Variants in NPEPPS observed in about 807,000 individuals in gnomAD.
NPEPPS encodes aminopeptidase puromycin sensitive.
Under a neutral mutation model 115.5 loss-of-function variants are expected in NPEPPS, and 14 were observed. That is an observed-to-expected ratio of 0.12 (90% CI 0.08 to 0.19). The LOEUF is 0.19. Among genes scored for constraint, NPEPPS ranks in the 10% least tolerant of loss-of-function variants. NPEPPS has a pLI of 1.00. For missense variants in NPEPPS, 523 were observed against 1,110.8 expected, an observed-to-expected ratio of 0.47 and a Z score of 7.52; for synonymous variants, 285 against 390.6, an observed-to-expected ratio of 0.73 and a Z score of 3.19.
upstream of NPEPPS, among the ~76,000 whole-genome samples, chr17:47,526,863 A>T (rs1480881738): frequency 2.6e-5 from 4 of 151,884 alleles, no homozygotes; most frequent in African/African-American, 9.7e-5. Context: ...GAGGCTGAGG[A>T]AGGAGAATGG....
chr17:47,601,550 C>T lies in NPEPPS; in HGVS notation c.1601-58C>T, dbSNP rs566443985. 33 of 1,602,430 alleles carry T rather than the reference C, an allele frequency of 2.1e-5. No homozygotes were observed. In the Admixed American group the frequency reaches 4.1e-4, roughly 20 times the overall value. ...CTGGTTAGAACACCACCACTCCTCT[C>T]TCCACCTTACCTTCTGTTTGTCCCA... On this transcript the variant is annotated intron_variant, in intron 14 of 22. Coordinates refer to ENST00000322157, the MANE Select transcript of NPEPPS (RefSeq NM_006310.4).
intron 22 of NPEPPS, 151 bp from the exon 23 acceptor site, chr17:47,621,617 G>A (rs1413997542): frequency 7.8e-6 from 5 of 639,070 alleles, no homozygotes; most frequent in African/African-American, 1.8e-5. Context: ...GGAGTTGCTT[G>A]TTTTCTTTTA....
chr17:47,565,952 C>T (rs1567849698), intron 2 of NPEPPS, among the ~76,000 whole-genome samples: 1 of 152,160 alleles, frequency 6.6e-6, no homozygotes, highest in Non-Finnish European at 1.5e-5. Context: ...GTAAAAGAGG[C>T]ACCACCAGCA....
upstream of NPEPPS, among the ~76,000 whole-genome samples, chr17:47,527,948 C>CA (rs1045563784): frequency 9.1e-4 from 111 of 121,514 alleles, no homozygotes; most frequent in South Asian, 2.1e-3. Flanking sequence ...AACTCCATCT[C>CA]AAAAAAAAAA....
At chr17:47,617,564 T>C (rs1185602221) in intron 19 of NPEPPS, among the ~76,000 whole-genome samples, 1 of 151,672 alleles carries the variant, frequency 6.6e-6, no homozygotes, top group Non-Finnish European at 1.5e-5. Context: ...TATAAGAACA[T>C]GTTTATGATA....
intron 1 of NPEPPS, among the ~76,000 whole-genome samples, chr17:47,534,384 A>G (rs1045612367): frequency 3.3e-5 from 5 of 152,004 alleles, no homozygotes; most frequent in African/African-American, 1.2e-4. Flanking sequence ...CGGCGACAAA[A>G]TTCTTATCTG....
Position 47,538,568 on chromosome 17 carries a change from C to T in NPEPPS, c.255+7013C>T, listed in dbSNP as rs376166589. ...TTTTGGAGACAGAGTCTTGCTCTGT[C>T]GCCAAGGCCGGAGTGCAGTGGCGTG... On this transcript the variant is annotated intron_variant, in intron 1 of 22. Transcript: ENST00000322157. Among the ~76,000 whole-genome samples, 6 of 124,236 alleles carry T rather than the reference C, an allele frequency of 4.8e-5. No homozygotes were observed. In the Admixed American group the frequency reaches 5.9e-4, roughly 12 times the overall value. 81.5% of individuals were successfully genotyped at this position (124,236 alleles called of 152,430 possible).
chr17:47,590,512 A>C (rs1300523205), intron 9 of NPEPPS, among the ~76,000 whole-genome samples: 1 of 151,914 alleles, frequency 6.6e-6, no homozygotes, highest in African/African-American at 2.4e-5. Context: ...TATAATTCTC[A>C]TATCACCAGT....
At chr17:47,594,412 CTTTT>C (rs112592322) in intron 12 of NPEPPS, among the ~76,000 whole-genome samples, 3 of 127,978 alleles carry the variant, frequency 2.3e-5, no homozygotes, top group African/African-American at 2.9e-5. Context: ...CTTTTCAATT[CTTTT>C]TTTTTTTTTT....
chr17:47,567,169 G>A (rs187809859), intron 2 of NPEPPS, among the ~76,000 whole-genome samples: 5 of 152,356 alleles, frequency 3.3e-5, no homozygotes, highest in Non-Finnish European at 1.5e-5. Context: ...CTGAGTTGTA[G>A]TCTAGCTAAT....
Position 47,618,399 on chromosome 17 carries a change from T to C in NPEPPS, c.2345T>C (p.Val782Ala). The C allele has an allele frequency of 6.2e-7, 1 of 1,613,402 alleles. No individual in the cohort carries two copies. The highest frequency in any genetic ancestry group is 2.2e-5 in the East Asian group (1 of 44,850). Residue 782 changes from valine (V) to alanine (A), a missense_variant, in exon 20 of 23, where the codon GTC (valine) becomes GCC (alanine). This residue lies in a region of NPEPPS where 372 missense variants were observed against 542.6 expected (regional missense o/e 0.69). Transcript: ENST00000322157. ...GAAGAGAAAAACCGAATCGAAAGAG[T>C]CCTTGGCGCTACTCTTTTGCCTGAC... ...MQEEKNRIER[V>A]LGATLLPDLI...
chr17:47,613,799 TAA>T (rs563030189), intron 19 of NPEPPS, 74 bp downstream of exon 19: 1 of 1,093,514 alleles, frequency 9.1e-7, no homozygotes, highest in Non-Finnish European at 1.3e-6. Flanking sequence ...TCTAAATGGT[TAA>T]AAAAAAAGAC....
chr17:47,529,601 C>T (rs1422229681), upstream of NPEPPS, among the ~76,000 whole-genome samples: 32 of 142,524 alleles, frequency 2.2e-4, no homozygotes, highest in Admixed American at 5.7e-4. Flanking sequence ...GATAGGGTTT[C>T]ACCATATTGG....
At chr17:47,613,819 GA>G in intron 19 of NPEPPS, 94 bp downstream of exon 19, 2 of 899,746 alleles carry the variant, frequency 2.2e-6, no homozygotes, top group South Asian at 1.5e-5. Context: ...GACAGTCCTA[GA>G]AAAGAAAGAT....
At chr17:47,571,501 G>A (rs1386326088) in intron 3 of NPEPPS, among the ~76,000 whole-genome samples, 4 of 152,188 alleles carry the variant, frequency 2.6e-5, no homozygotes, top group East Asian at 3.9e-4. Flanking sequence ...GGTGGATCAC[G>A]AGGTCAGGAG....
chr17:47,535,242 CAAAAAAAAAAAAAA>C (rs1163530675), intron 1 of NPEPPS, among the ~76,000 whole-genome samples: 2 of 57,114 alleles, frequency 3.5e-5, no homozygotes, highest in Admixed American at 2.1e-4. Context: ...GACTCTGTCT[CAAAAAAAAAAAAAA>C]AAAAAAAAAA....
chr17:47,537,861 A>G (rs913801317), intron 1 of NPEPPS, among the ~76,000 whole-genome samples: 1 of 150,746 alleles, frequency 6.6e-6, no homozygotes. Flanking sequence ...ACTATGTACT[A>G]TAATTTATCA....
chr17:47,550,612 A>T (rs1422726070), intron 2 of NPEPPS, among the ~76,000 whole-genome samples: 1 of 143,046 alleles, frequency 7.0e-6, no homozygotes, highest in Non-Finnish European at 1.5e-5. Context: ...ATATATATAT[A>T]TGTATATATA....
intron 13 of NPEPPS, among the ~76,000 whole-genome samples, chr17:47,597,843 C>G (rs974909577): frequency 3.3e-5 from 5 of 152,182 alleles, no homozygotes; most frequent in Non-Finnish European, 5.9e-5. Flanking sequence ...CCTTTCAGAG[C>G]CAAATCTTAA....
Sources: allele counts gnomAD v4.1 joint callset (sites outside exome capture counted in the v4.1 genomes callset), GRCh38; gene constraint gnomAD v4.1.1; regional missense constraint gnomAD v4.1.1; transcripts MANE v1.5; gene names NCBI Gene and HGNC (gene_info 2026-07-23, HGNC 2026-07-21).